Variants in MAN2B1 observed in about 807,000 individuals in gnomAD.
MAN2B1 encodes mannosidase alpha class 2B member 1.
Under a neutral mutation model 127.5 loss-of-function variants are expected in MAN2B1, and 99 were observed. The observed-to-expected ratio is 0.78, with a 90% CI of 0.66 to 0.92. The LOEUF (loss-of-function observed/expected upper bound fraction) is 0.92. Ranked by LOEUF, MAN2B1 falls within the 40% of genes least tolerant of loss-of-function variation. The probability of loss-of-function intolerance (pLI) is 0.00; values close to 1 mark genes in which losing one functional copy is unlikely to be tolerated. For missense variants in MAN2B1, 1,304 were observed against 1,384.8 expected, an observed-to-expected ratio of 0.94 and a Z score of 0.93; for synonymous variants, 573 against 568.8, an observed-to-expected ratio of 1.01 and a Z score of -0.11.
rs1463660136 is a variant in MAN2B1, at chr19:12,665,533, T to C, written c.263-8A>G. On this transcript the variant is annotated splice_region_variant and splice_polypyrimidine_tract_variant and intron_variant, in intron 2 of 23. Coordinates refer to ENST00000456935, the MANE Select transcript of MAN2B1 (RefSeq NM_000528.4). ...GCTGGATGTCATTCTTGACTGTGGA[T>C]AACAGGGATAAGGCTCTCAGGGAAC... The C allele has an allele frequency of 1.1e-5, 17 of 1,613,962 alleles. No homozygotes were observed. The Admixed American group carries it at 2.3e-4, about 22-fold the overall frequency.
intron 20 of MAN2B1, 98 bp downstream of exon 20, chr19:12,649,038 G>T: frequency 1.0e-6 from 1 of 975,424 alleles, no homozygotes; most frequent in Non-Finnish European, 1.6e-6. Flanking sequence ...GCTTAGTGGG[G>T]CCTGAAAGCA....
chr19:12,647,183 C>A lies in MAN2B1; in HGVS notation c.2923+50G>T. ...TGCCTCACACATTGCCCCCACCTGC[C>A]GGCCCCAGGTAAGACTCCACCCCTT... is the stretch of plus-strand genomic sequence containing the variant. On this transcript the variant is annotated intron_variant, in intron 23 of 23. Transcript: ENST00000456935. This position sits in a 1 kb window ranked among gnomAD's most constrained non-coding sequence, Gnocchi z 4.9. 2 of 1,514,138 alleles carry A rather than the reference C, an allele frequency of 1.3e-6. No homozygotes were observed. The highest frequency in any genetic ancestry group is 2.3e-5 in the East Asian group (1 of 44,328). The allele number at this position is 1,514,138 out of a possible 1,614,324, so 93.8% of individuals were successfully genotyped here. A position where few individuals can be genotyped will look rare whatever the true frequency, so the allele number is the denominator to read the frequency against.
rs1006081201 is a variant in MAN2B1, at chr19:12,659,003, C to T, written c.1027-493G>A. The T allele has an allele frequency of 7.9e-5, 16 of 201,720 alleles. No individual in the cohort carries two copies. The East Asian group carries it at 1.3e-3, about 16-fold the overall frequency. The allele number at this position is 201,720 out of a possible 1,614,324, so 12.5% of individuals were successfully genotyped here. On this transcript the variant is annotated intron_variant, in intron 7 of 23. Coordinates refer to ENST00000456935, the MANE Select transcript of MAN2B1 (RefSeq NM_000528.4). ...TCATGAGTACCTGGGACTACAGGTG[C>T]CCGCCACCACACCCGGCTAATTTTT...
At chr19:12,657,604 A>T in intron 10 of MAN2B1, 49 bp from the exon 11 acceptor site, 12 of 1,461,782 alleles carry the variant, frequency 8.2e-6, no homozygotes, top group African/African-American at 1.4e-5. Context: ...CTCAGCTGAG[A>T]CCCCAAGGGG....
At chr19:12,657,327 G>T (rs1048426744) in intron 11 of MAN2B1, 119 bp downstream of exon 11, 2 of 900,508 alleles carry the variant, frequency 2.2e-6, no homozygotes, top group Non-Finnish European at 3.3e-6. Flanking sequence ...ACGAGCCCTT[G>T]TAGCCCCGCC....
intron 14 of MAN2B1, among the ~76,000 whole-genome samples, chr19:12,653,125 C>T (rs1047442686): frequency 1.3e-5 from 2 of 148,488 alleles, no homozygotes; most frequent in African/African-American, 5.0e-5. Context: ...TGAGCCACTG[C>T]ACCTGGCCTG....
In MAN2B1 at chr19:12,652,181, C is replaced by G; in HGVS notation, c.2018G>C (p.Ser673Thr). The change falls in exon 16 of 24, where the codon AGC becomes ACC. Residue 673 changes from serine to threonine, a missense_variant. Ser to Thr is a moderately conservative substitution (Grantham distance 58). Transcript: ENST00000456935. ...RPNQQKPLPV[S>T]RWAQIHLVKT... ...CACCAGGTGGATCTGAGCCCAGCGGCTCACAGGCAGCGGTTTCTGTTGGTT... is the reference window on the plus strand; with the variant it reads ...CACCAGGTGGATCTGAGCCCAGCGGGTCACAGGCAGCGGTTTCTGTTGGTT... 6.2e-7 allele frequency: 1 copy of G among 1,614,156 alleles called. No individual in the cohort carries two copies. Among genetic ancestry groups the G allele is most frequent in the Non-Finnish European group, 8.5e-7 (1 of 1,180,000 alleles).
chr19:12,664,582 G>A (rs1015889383), intron 4 of MAN2B1, among the ~76,000 whole-genome samples: 1 of 152,220 alleles, frequency 6.6e-6, no homozygotes, highest in Non-Finnish European at 1.5e-5. Flanking sequence ...GGAGCCAGCC[G>A]GAGCTGGGTC....
chr19:12,646,805 C>T, intron 23 of MAN2B1, 73 bp from the exon 24 acceptor site: 2 of 1,082,440 alleles, frequency 1.8e-6, no homozygotes, highest in Non-Finnish European at 2.9e-6. Flanking sequence ...ATGCTTCCTC[C>T]CCTGGGTCTA....
chr19:12,649,373 AGTTTCCTGCCACGG>A lies in MAN2B1; in HGVS notation c.2309_2322del (p.Pro770LeufsTer22). On this transcript the variant is annotated frameshift_variant, in exon 19 of 24. Transcript: ENST00000456935. LOFTEE classifies it high-confidence loss of function. ...TAAATCCGGGTGTTGACTGGATAGT[AGTTTCCTGCCACGG>A]GCTCCGTCTGGTTCAGTTTCCAGGT... 6.2e-7 allele frequency: 1 copy of A among 1,607,268 alleles called. No homozygotes were observed. Among genetic ancestry groups the A allele is most frequent in the Non-Finnish European group, 8.5e-7 (1 of 1,177,168 alleles).
Position 12,647,170 on chromosome 19 carries a change from T to G in MAN2B1, c.2923+63A>C. On this transcript the variant is annotated intron_variant, in intron 23 of 23. Transcript: ENST00000456935. This position sits in a 1 kb window ranked among gnomAD's most constrained non-coding sequence, Gnocchi z 4.9. ...GGCCAACATCCCATGCCTCACACAT[T>G]GCCCCCACCTGCCGGCCCCAGGTAA... is the stretch of plus-strand genomic sequence containing the variant. 1.4e-6 allele frequency: 2 copies of G among 1,442,238 alleles called. No homozygotes were observed. Among genetic ancestry groups the G allele is most frequent in the Non-Finnish European group, 2.0e-6 (2 of 1,024,130 alleles). The allele number at this position is 1,442,238 out of a possible 1,614,324, so 89.3% of individuals were successfully genotyped here.
intron 6 of MAN2B1, among the ~76,000 whole-genome samples, chr19:12,662,426 G>A (rs978552096): frequency 2.6e-5 from 4 of 151,800 alleles, no homozygotes; most frequent in Non-Finnish European, 2.9e-5. Context: ...TTAGGAGTTC[G>A]AGACCAGCCT....
intron 4 of MAN2B1, 97 bp downstream of exon 4, chr19:12,664,689 GCCTGGT>G: frequency 8.0e-7 from 1 of 1,242,428 alleles, no homozygotes; most frequent in African/African-American, 1.5e-5. Context: ...CTAGGCCTGG[GCCTGGT>G]CCTTGTGAGA....
intron 13 of MAN2B1, chr19:12,656,207 G>A: frequency 2.2e-6 from 1 of 453,544 alleles, no homozygotes; most frequent in Non-Finnish European, 4.0e-6. Flanking sequence ...TCCATAAACA[G>A]CAATAAATTT....
chr19:12,660,945 G>A, intron 7 of MAN2B1: 1 of 352,468 alleles, frequency 2.8e-6, no homozygotes, highest in Non-Finnish European at 5.6e-6. Flanking sequence ...TTTTAGTAGA[G>A]ACAGCGTTTC....
In MAN2B1 at chr19:12,662,022, T is replaced by C. The variant is rs747258437; in HGVS notation, c.910-646A>G. Among the ~76,000 whole-genome samples the C allele has an allele frequency of 6.6e-5, 10 of 152,192 alleles. No homozygotes were observed. The East Asian group carries it at 1.2e-3, about 18-fold the overall frequency. ...ACCACACCCGACTAATTTTTGTATT[T>C]TTAGTAGAGACAGGGTTTCGTCATT... is the stretch of plus-strand genomic sequence containing the variant. On this transcript the variant is annotated intron_variant, in intron 6 of 23. Coordinates refer to ENST00000456935, the MANE Select transcript of MAN2B1 (RefSeq NM_000528.4).
intron 6 of MAN2B1, among the ~76,000 whole-genome samples, chr19:12,662,937 CA>C (rs33998995): frequency 3.7e-4 from 47 of 126,124 alleles, no homozygotes; most frequent in Admixed American, 4.1e-4. Context: ...GACTCTGTCT[CA>C]AAAAAAAAAA....
chr19:12,655,318 C>G (rs1460359467), intron 14 of MAN2B1, among the ~76,000 whole-genome samples: 1 of 152,314 alleles, frequency 6.6e-6, no homozygotes, highest in South Asian at 2.1e-4. Flanking sequence ...GCTTTTATGC[C>G]TGTTATTCTC....
chr19:12,650,307 C>A, intron 16 of MAN2B1, 85 bp from the exon 17 acceptor site: 1 of 833,310 alleles, frequency 1.2e-6, no homozygotes, highest in South Asian at 1.3e-5. Context: ...TGGCCATAAA[C>A]CCCATTAAGG....
Sources: allele counts gnomAD v4.1 joint callset (sites outside exome capture counted in the v4.1 genomes callset), GRCh38; gene constraint gnomAD v4.1.1; non-coding constraint Gnocchi (gnomAD v3.1); transcripts MANE v1.5; gene names NCBI Gene and HGNC (gene_info 2026-07-23, HGNC 2026-07-21).